Variants in THSD4 observed in about 807,000 individuals in gnomAD.
The protein encoded by THSD4 is thrombospondin type 1 domain containing 4, also known as thrombospondin type-1 domain-containing protein 4.
In THSD4, 69 loss-of-function variants were observed where a neutral mutation model predicts 119.0. That is an observed-to-expected ratio of 0.58 (90% CI 0.48 to 0.71). THSD4 has a LOEUF of 0.71. Among genes scored for constraint, THSD4 ranks in the 30% least tolerant of loss-of-function variants. The pLI is 0.00. For missense variants in THSD4, 1,393 were observed against 1,391.1 expected (o/e 1.00, Z -0.02); for synonymous variants, 524 against 540.4 (o/e 0.97, Z 0.42).
chr15:71,531,799 C>T (rs1163617169), intron 7 of THSD4, among the ~76,000 whole-genome samples: 1 of 152,170 alleles, frequency 6.6e-6, no homozygotes, highest in Non-Finnish European at 1.5e-5. Flanking sequence ...GAGTTAGTCT[C>T]CCCGATATTT....
chr15:71,525,882 C>T (rs548158631), intron 7 of THSD4, among the ~76,000 whole-genome samples: 2 of 152,304 alleles, frequency 1.3e-5, no homozygotes, highest in East Asian at 3.9e-4. Context: ...TTCCCATTCC[C>T]TGTAGAACCT....
At chr15:71,534,973 GA>G (rs1020148373) in intron 7 of THSD4, among the ~76,000 whole-genome samples, 1 of 152,060 alleles carries the variant, frequency 6.6e-6, no homozygotes, top group Non-Finnish European at 1.5e-5. Context: ...AAAACAAACA[GA>G]AAAAAACAGG....
chr15:71,382,725 A>G (rs914544169), intron 6 of THSD4, among the ~76,000 whole-genome samples: 1 of 152,210 alleles, frequency 6.6e-6, no homozygotes, highest in Non-Finnish European at 1.5e-5. Flanking sequence ...CATGGAATAA[A>G]TAATTTTGAA....
intron 6 of THSD4, among the ~76,000 whole-genome samples, chr15:71,402,941 A>G (rs1393492087): frequency 6.6e-6 from 1 of 152,102 alleles, no homozygotes; most frequent in Admixed American, 6.5e-5. Flanking sequence ...TGCTAATTCA[A>G]CTCAAGCTCT....
chr15:71,378,068 G>A (rs925444924), intron 6 of THSD4, among the ~76,000 whole-genome samples: 1 of 152,148 alleles, frequency 6.6e-6, no homozygotes, highest in African/African-American at 2.4e-5. Flanking sequence ...TTCAGGTTGT[G>A]CACTGCACAG....
At chr15:71,355,781 T>C (rs1596361914) in intron 6 of THSD4, among the ~76,000 whole-genome samples, 1 of 152,100 alleles carries the variant, frequency 6.6e-6, no homozygotes, top group Non-Finnish European at 1.5e-5. Context: ...GGACCCAGGG[T>C]CAGGGATGAA....
intron 6 of THSD4, among the ~76,000 whole-genome samples, chr15:71,330,077 G>T (rs1389920678): frequency 6.8e-6 from 1 of 148,008 alleles, no homozygotes; most frequent in Non-Finnish European, 1.5e-5. Context: ...GCAAGACCTC[G>T]TCTCCAAAGG....
At chr15:71,770,213 A>C (rs1447797338) in intron 16 of THSD4, among the ~76,000 whole-genome samples, 3 of 127,858 alleles carry the variant, frequency 2.3e-5, no homozygotes, top group African/African-American at 9.5e-5. Context: ...GCACTATTGC[A>C]CTCCAGCCTG....
In THSD4 at chr15:71,621,134, A is replaced by G. The variant is rs568576898; in HGVS notation, c.1153-39396A>G. Among the ~76,000 whole-genome samples the G allele has an allele frequency of 2.6e-5, 4 of 152,340 alleles. No homozygotes were observed. The South Asian group carries it at 6.2e-4, about 24-fold the overall frequency. On this transcript the variant is annotated intron_variant, in intron 7 of 17. Transcript: ENST00000261862. The stretch of plus-strand genomic sequence containing the variant: ...ATGCACAATTGTTTCACATCTTAAC[A>G]TCTAAGAACCCAGGATATAACTTAC...
chr15:71,373,002 C>T (rs2046077953), intron 6 of THSD4, among the ~76,000 whole-genome samples: 2 of 152,262 alleles, frequency 1.3e-5, no homozygotes, highest in South Asian at 4.1e-4. Flanking sequence ...CAGGCTAGGC[C>T]CTCTTTCTTG....
At chr15:71,715,750 C>T (rs1008029423) in intron 8 of THSD4, among the ~76,000 whole-genome samples, 1 of 148,502 alleles carries the variant, frequency 6.7e-6, no homozygotes, top group African/African-American at 2.5e-5. Context: ...AGATTTGGGG[C>T]TCAAAATTTG....
chr15:71,568,078 A>G (rs748953892), intron 7 of THSD4, among the ~76,000 whole-genome samples: 4 of 152,144 alleles, frequency 2.6e-5, no homozygotes, highest in Non-Finnish European at 5.9e-5. Context: ...AATAAATACA[A>G]AAGCCAATTA....
rs563379322 is a variant in THSD4, at chr15:71,326,812, G to A, written c.1015+70097G>A. Among the ~76,000 whole-genome samples the A allele has an allele frequency of 1.1e-3, 152 of 144,130 alleles. 1 individual carries two copies. The highest frequency in any genetic ancestry group is 2.5e-3 in the South Asian group (11 of 4,354). 94.6% of individuals were successfully genotyped at this position (144,130 alleles called of 152,430 possible). ...ATCACTTGAGCCCAAGATTGAGGCT[G>A]CAGTGAGATATGATTATACCACTGC... On this transcript the variant is annotated intron_variant, in intron 6 of 17. Transcript: ENST00000261862.
At chr15:71,537,500 A>G (rs886090894) in intron 7 of THSD4, among the ~76,000 whole-genome samples, 1 of 152,048 alleles carries the variant, frequency 6.6e-6, no homozygotes, top group Non-Finnish European at 1.5e-5. Flanking sequence ...CTCCTCTCAC[A>G]AGCCAATCTC....
intron 10 of THSD4, 35 bp downstream of exon 10, chr15:71,731,252 T>C (rs779662900): frequency 6.3e-7 from 1 of 1,591,212 alleles, no homozygotes; most frequent in Non-Finnish European, 8.6e-7. Flanking sequence ...GGGACTCTGG[T>C]CATTTCCTTG....
intron 8 of THSD4, among the ~76,000 whole-genome samples, chr15:71,675,787 G>A (rs2051634207): frequency 6.6e-6 from 1 of 152,164 alleles, no homozygotes; most frequent in African/African-American, 2.4e-5. Flanking sequence ...TTGAACCTGG[G>A]CACAGGCCTC....
chr15:71,561,792 G>A (rs897267535), intron 7 of THSD4, among the ~76,000 whole-genome samples: 12 of 151,980 alleles, frequency 7.9e-5, no homozygotes, highest in African/African-American at 2.9e-4. Flanking sequence ...CCTCCCAGGT[G>A]GAGAAGGAAG....
chr15:71,365,316 G>C (rs1169760209), intron 6 of THSD4, among the ~76,000 whole-genome samples: 6 of 152,100 alleles, frequency 3.9e-5, no homozygotes, highest in Non-Finnish European at 8.8e-5. Flanking sequence ...CCTTGTGGTT[G>C]TCAGTCTCTA....
rs149093578 is a variant in THSD4 at position 71,189,771 on chromosome 15, G to A, written c.100-25264G>A. Reference sequence around the variant, plus strand: ...ATCTGTGCATTGTTTTTTTAAGTCCGCTAGAGTAATAGTTCTTCAACCACA... The same window carrying A: ...ATCTGTGCATTGTTTTTTTAAGTCCACTAGAGTAATAGTTCTTCAACCACA... On this transcript the variant is annotated intron_variant, in intron 3 of 17. Coordinates refer to ENST00000261862, the MANE Select transcript of THSD4 (RefSeq NM_024817.3). Among the ~76,000 whole-genome samples the A allele has an allele frequency of 8.5e-5, 13 of 152,154 alleles. No individual in the cohort carries two copies. The South Asian group carries it at 1.2e-3, about 15-fold the overall frequency.
Sources: gnomAD v4.1 joint callset for allele counts (sites outside exome capture counted in the v4.1 genomes callset) on GRCh38, gnomAD v4.1.1 for gene constraint, MANE v1.5 for transcripts, NCBI Gene and HGNC (gene_info 2026-07-23, HGNC 2026-07-21) for gene names.